The following ADGRL2 variants were observed in gnomAD, a reference collection of about 807,000 sequenced individuals.
ADGRL2 encodes calcium-independent alpha-latrotoxin receptor 2.
In ADGRL2, 44 loss-of-function variants were observed where a neutral mutation model predicts 157.4. That is an observed-to-expected ratio of 0.28 (90% CI 0.22 to 0.36). The LOEUF (loss-of-function observed/expected upper bound fraction) is 0.36, where lower values mean the gene tolerates loss of function less well. Ranked by LOEUF, ADGRL2 falls within the 10% of genes least tolerant of loss-of-function variation. ADGRL2 has a pLI of 1.00. For missense variants in ADGRL2, 1,510 were observed against 1,768.9 expected (o/e 0.85, Z 2.63); for synonymous variants, 585 against 624.7 (o/e 0.94, Z 0.95).
At chr1:81,488,015 T>G (rs2078546024) in intron 2 of ADGRL2, among the ~76,000 whole-genome samples, 1 of 152,204 alleles carries the variant, frequency 6.6e-6, no homozygotes, top group Non-Finnish European at 1.5e-5. Context: ...AGTCACAAAG[T>G]GCAGACGAAA....
At chr1:81,491,414 T>C (rs1055316808) in intron 2 of ADGRL2, among the ~76,000 whole-genome samples, 6 of 151,652 alleles carry the variant, frequency 4.0e-5, no homozygotes, top group African/African-American at 1.5e-4. Context: ...AGCTATACTT[T>C]TATGATTTTG....
Position 81,527,686 on chromosome 1 carries a change from T to A in ADGRL2, c.-247-53190T>A, listed in dbSNP as rs151058748. Among the ~76,000 whole-genome samples, 185 of 150,626 alleles carry A rather than the reference T, an allele frequency of 1.2e-3. 4 individuals carry two copies. The East Asian group carries it at 0.031, about 25-fold the overall frequency. On this transcript the variant is annotated intron_variant, in intron 2 of 24. Transcript: ENST00000370721. ...AAGATCGCGCCACTGCACTCCAACC[T>A]AGGGGATAGAGCAAAACTCTGCCTC...
chr1:81,819,503 CTTTTAAATGT>C (rs1233002828), intron 1 of ADGRL2, among the ~76,000 whole-genome samples: 3 of 151,992 alleles, frequency 2.0e-5, no homozygotes, highest in East Asian at 3.9e-4. Flanking sequence ...TTTTTTCTTC[CTTTTAAATGT>C]TTTTAAATGT....
chr1:81,321,267 G>A (rs969537693), intron 1 of ADGRL2, among the ~76,000 whole-genome samples: 4 of 152,144 alleles, frequency 2.6e-5, no homozygotes, highest in Admixed American at 6.5e-5. Context: ...CTTCTATCCC[G>A]ACGACTAAAA....
chr1:81,476,649 G>T (rs1022025404), intron 2 of ADGRL2, among the ~76,000 whole-genome samples: 1 of 152,074 alleles, frequency 6.6e-6, no homozygotes, highest in East Asian at 1.9e-4. Context: ...TAGAAATCTC[G>T]CAAAGTTGCT....
At chr1:81,774,673 T>TG (rs2086507439) in intron 2 of ADGRL2, among the ~76,000 whole-genome samples, 1 of 152,214 alleles carries the variant, frequency 6.6e-6, no homozygotes, top group Non-Finnish European at 1.5e-5. Context: ...GCTCAGTGTT[T>TG]AGTACTATGT....
chr1:81,533,378 CA>C (rs372534512), intron 2 of ADGRL2, among the ~76,000 whole-genome samples: 3,643 of 151,958 alleles, frequency 0.024, 75 homozygotes, highest in Non-Finnish European at 0.035. Context: ...GGCTTCATCT[CA>C]AAAAAACAAA....
intron 2 of ADGRL2, among the ~76,000 whole-genome samples, chr1:81,773,650 C>T (rs1038478930): frequency 6.6e-6 from 1 of 152,146 alleles, no homozygotes; most frequent in African/African-American, 2.4e-5. Flanking sequence ...TCTTCTTGAG[C>T]GTTCACATGA....
intron 1 of ADGRL2, among the ~76,000 whole-genome samples, chr1:81,422,460 G>T (rs1230837559): frequency 6.6e-6 from 1 of 152,176 alleles, no homozygotes; most frequent in Non-Finnish European, 1.5e-5. Context: ...GGGCAGGCTG[G>T]TCTCGAACTC....
At chr1:81,692,066 C>T (rs2083351418) in intron 3 of ADGRL2, among the ~76,000 whole-genome samples, 1 of 151,474 alleles carries the variant, frequency 6.6e-6, no homozygotes, top group Admixed American at 6.6e-5. Flanking sequence ...AAGCCATTTT[C>T]ATATAGTATA....
intron 2 of ADGRL2, among the ~76,000 whole-genome samples, chr1:81,904,058 A>T (rs2094541468): frequency 6.6e-6 from 1 of 152,056 alleles, no homozygotes; most frequent in Non-Finnish European, 1.5e-5. Context: ...GGAAATAGAC[A>T]TTACAAAGGA....
chr1:81,710,956 A>T (rs1570918536), intron 1 of ADGRL2, among the ~76,000 whole-genome samples: 2 of 152,254 alleles, frequency 1.3e-5, no homozygotes, highest in East Asian at 1.9e-4. Flanking sequence ...TTTTGGATAG[A>T]TCTTTAACCA....
Position 81,992,695 on chromosome 1 carries a change from A to T in ADGRL2, c.*1550A>T, listed in dbSNP as rs1028409075. ...CCAGGACTAAAAAAAGAAGGATTGG[A>T]AGTTCTGCCATCAAATTTGGGTATC... On this transcript the variant is annotated 3_prime_UTR_variant, in exon 24 of 24. Transcript: ENST00000686636. 2.0e-5 allele frequency among the ~76,000 whole-genome samples: 3 copies of T among 152,108 alleles called. No individual in the cohort carries two copies. Among genetic ancestry groups the T allele is most frequent in the Non-Finnish European group, 4.4e-5 (3 of 68,016 alleles).
chr1:81,796,428 G>A (rs981633207), upstream of ADGRL2, among the ~76,000 whole-genome samples: 8 of 152,272 alleles, frequency 5.3e-5, no homozygotes, highest in East Asian at 1.9e-4. Flanking sequence ...TCTGACAGAA[G>A]CATTGATAAA....
chr1:81,880,355 G>A (rs2093953555), intron 2 of ADGRL2, among the ~76,000 whole-genome samples: 1 of 152,258 alleles, frequency 6.6e-6, no homozygotes, highest in African/African-American at 2.4e-5. Flanking sequence ...AATTAAGTCA[G>A]CCTTAAGTTC....
chr1:81,806,738 T>A (rs2089215763), intron 1 of ADGRL2, among the ~76,000 whole-genome samples: 1 of 152,036 alleles, frequency 6.6e-6, no homozygotes, highest in African/African-American at 2.4e-5. Context: ...CTAAAAGAAA[T>A]CTGTTTTCAT....
intron 1 of ADGRL2, among the ~76,000 whole-genome samples, chr1:81,749,097 C>T (rs1315829384): frequency 2.0e-5 from 3 of 152,004 alleles, no homozygotes; most frequent in Admixed American, 6.6e-5. Context: ...CATGGAAAAT[C>T]CAATAAATAT....
intron 3 of ADGRL2, among the ~76,000 whole-genome samples, chr1:81,910,314 G>GT (rs2094690750): frequency 6.6e-6 from 1 of 150,948 alleles, no homozygotes; most frequent in Non-Finnish European, 1.5e-5. Flanking sequence ...TAAAGTATAC[G>GT]TATGTCCTAA....
At chr1:81,612,493 A>C (rs942487) in intron 3 of ADGRL2, among the ~76,000 whole-genome samples, 110,537 of 152,056 alleles carry the variant, frequency 0.73, 40,331 homozygotes, top group Admixed American at 0.77. Flanking sequence ...TTCTATGAGA[A>C]TAAACTTTAA....
Sources: gnomAD v4.1 joint callset for allele counts (sites outside exome capture counted in the v4.1 genomes callset) on GRCh38, gnomAD v4.1.1 for gene constraint, MANE v1.5 for transcripts, NCBI Gene and HGNC (gene_info 2026-07-23, HGNC 2026-07-21) for gene names.